Variants in PLPPR4 observed in about 807,000 individuals in gnomAD.
PLPPR4 encodes phospholipid phosphatase-related protein type 4.
In PLPPR4, 24 loss-of-function variants were observed where a neutral mutation model predicts 56.6. The ratio of observed to expected loss-of-function variants is 0.42; its 90% CI spans 0.31 to 0.60. The LOEUF is 0.60. Ranked by LOEUF, PLPPR4 falls within the 20% of genes least tolerant of loss-of-function variation. The pLI is 0.13. For missense variants in PLPPR4, 654 were observed against 885.8 expected (o/e 0.74, Z 3.32); for synonymous variants, 326 against 328.1 (o/e 0.99, Z 0.07).
At chr1:99,274,078 T>A (rs2100786554) in intron 1 of PLPPR4, among the ~76,000 whole-genome samples, 1 of 152,236 alleles carries the variant, frequency 6.6e-6, no homozygotes, top group East Asian at 1.9e-4. Context: ...TTAATTTTCA[T>A]AGAAAGTTAT....
intron 1 of PLPPR4, among the ~76,000 whole-genome samples, chr1:99,282,925 T>C (rs965022552): frequency 1.3e-5 from 2 of 148,374 alleles, no homozygotes; most frequent in African/African-American, 4.9e-5. Context: ...CTGATATATA[T>C]ATCTTTCTGA....
rs772890511 is a variant in PLPPR4, at chr1:99,306,014, T to C, written c.1152T>C (p.Asn384=). The C allele has an allele frequency of 6.2e-7, 1 of 1,614,064 alleles. No individual in the cohort carries two copies. Among genetic ancestry groups the C allele is most frequent in the Admixed American group, 1.7e-5 (1 of 60,014 alleles). Residue 384 remains asparagine, a synonymous_variant, in exon 7 of 7, where the codon AAT becomes AAC. Coordinates refer to ENST00000370185, the MANE Select transcript of PLPPR4 (RefSeq NM_014839.5). The surrounding 1 kb of genome is among the most constrained non-coding windows in gnomAD (Gnocchi z 4.0). ...CTGTAGAAGACCCTGTCAGAAGAAA[T>C]GCGAGCATTCATGCCTCTATGGATT... The part of the protein sequence containing the change: ...TPSVEDPVRR[N]ASIHASMDSA...
At chr1:99,264,451 T>C, upstream of PLPPR4, 1 of 1,490,622 alleles carries the variant, frequency 6.7e-7, no homozygotes, top group Non-Finnish European at 8.9e-7. Flanking sequence ...GGGCGCTGCA[T>C]GCAGCGCGCT....
rs1441077709 is a variant in PLPPR4, at chr1:99,308,261, G to T, written c.*1251G>T. On this transcript the variant is annotated 3_prime_UTR_variant, in exon 7 of 7. Coordinates refer to ENST00000370185, the MANE Select transcript of PLPPR4 (RefSeq NM_014839.5). ...AAGAGGAAGAATCTGAAAAAAAAAT[G>T]CATGTTGGTAAGTAAAAGTATCTCA... is the stretch of plus-strand genomic sequence containing the variant. 1 of 151,816 alleles carries T rather than the reference G, an allele frequency of 6.6e-6. No individual in the cohort carries two copies. 9.4% of individuals were successfully genotyped at this position (151,816 alleles called of 1,614,324 possible).
At chr1:99,303,038 A>G (rs1020385593) in intron 6 of PLPPR4, among the ~76,000 whole-genome samples, 1 of 152,134 alleles carries the variant, frequency 6.6e-6, no homozygotes, top group Non-Finnish European at 1.5e-5. Flanking sequence ...CAGGGTATGA[A>G]CAAAGTATTT....
At chr1:99,275,890 C>A (rs902605800) in intron 1 of PLPPR4, among the ~76,000 whole-genome samples, 2 of 152,102 alleles carry the variant, frequency 1.3e-5, no homozygotes, top group African/African-American at 4.8e-5. Flanking sequence ...GAGGTCAATG[C>A]AGCACAGTAG....
chr1:99,287,738 T>G (rs957037540), intron 1 of PLPPR4, among the ~76,000 whole-genome samples: 8 of 151,830 alleles, frequency 5.3e-5, no homozygotes, highest in Non-Finnish European at 7.4e-5. Flanking sequence ...GGAGTGGAGG[T>G]GTAGCACCAA....
chr1:99,290,441 A>C (rs565114855), intron 2 of PLPPR4, among the ~76,000 whole-genome samples: 2 of 152,106 alleles, frequency 1.3e-5, no homozygotes, highest in African/African-American at 4.8e-5. Context: ...AGAAAAATCT[A>C]TTTCAAAATT....
At chr1:99,267,293 AACTTAC>A (rs1658923901) in intron 1 of PLPPR4, among the ~76,000 whole-genome samples, 1 of 152,220 alleles carries the variant, frequency 6.6e-6, no homozygotes, top group Non-Finnish European at 1.5e-5. Flanking sequence ...AGGGAAGGGA[AACTTAC>A]ACTCGAGCCA....
At chr1:99,290,108 A>T (rs1008598703) in intron 2 of PLPPR4, among the ~76,000 whole-genome samples, 2 of 152,158 alleles carry the variant, frequency 1.3e-5, no homozygotes, top group Non-Finnish European at 2.9e-5. Context: ...AGGATACAAA[A>T]CTATTGTGCA....
chr1:99,288,293 A>G, intron 2 of PLPPR4, 143 bp downstream of exon 2: 2 of 648,358 alleles, frequency 3.1e-6, no homozygotes, highest in Non-Finnish European at 5.1e-6. Context: ...TATTGACAGT[A>G]TCATGTGGAA....
chr1:99,281,163 C>G (rs527381615), intron 1 of PLPPR4, among the ~76,000 whole-genome samples: 1 of 152,078 alleles, frequency 6.6e-6, no homozygotes, highest in African/African-American at 2.4e-5. Flanking sequence ...AAAAAAACCC[C>G]TCATTTCACT....
chr1:99,279,954 A>G (rs1403637119), intron 1 of PLPPR4, among the ~76,000 whole-genome samples: 1 of 152,242 alleles, frequency 6.6e-6, no homozygotes, highest in Admixed American at 6.5e-5. Context: ...GAGGAGCTCT[A>G]GAAAAGACAG....
In PLPPR4 at chr1:99,273,930, A is replaced by G. The variant is rs569543775; in HGVS notation, c.78+9259A>G. ...GGATTATTGAACAGTTGAAGATTAGATCAATATCCAAGGTCTATATGAGTC... is the reference window on the plus strand; with the variant it reads ...GGATTATTGAACAGTTGAAGATTAGGTCAATATCCAAGGTCTATATGAGTC... On this transcript the variant is annotated intron_variant, in intron 1 of 6. Coordinates refer to ENST00000370185, the MANE Select transcript of PLPPR4 (RefSeq NM_014839.5). Among the ~76,000 whole-genome samples the G allele has an allele frequency of 3.9e-5, 6 of 152,242 alleles. No individual in the cohort carries two copies. The South Asian group carries it at 8.3e-4, about 21-fold the overall frequency.
At chr1:99,295,364 G>T (rs1659716936) in intron 2 of PLPPR4, among the ~76,000 whole-genome samples, 1 of 152,044 alleles carries the variant, frequency 6.6e-6, no homozygotes. Context: ...GCTGTCATTA[G>T]ATTTTTTAAA....
At chr1:99,301,636 T>C in intron 5 of PLPPR4, 88 bp from the exon 6 acceptor site, 1 of 919,290 alleles carries the variant, frequency 1.1e-6, no homozygotes, top group South Asian at 2.1e-5. Context: ...TGAAGTCAAT[T>C]GTATCAGACT....
chr1:99,288,079 A>G lies in PLPPR4; in HGVS notation c.193A>G (p.Ile65Val). Residue 65 changes from isoleucine to valine, a missense_variant, in exon 2 of 7, where the codon ATT becomes GTT. Ile to Val is a conservative substitution (Grantham distance 29). Coordinates refer to ENST00000370185, the MANE Select transcript of PLPPR4 (RefSeq NM_014839.5). ...CYDRSLSMPY[I>V]EPTQEAIPFL... ...TGACCGGAGTCTTAGCATGCCGTAC[A>G]TTGAACCAACCCAGGAGGCAATTCC... The G allele has an allele frequency of 1.2e-6, 2 of 1,613,960 alleles. No individual in the cohort carries two copies. The highest frequency in any genetic ancestry group is 1.7e-6 in the Non-Finnish European group (2 of 1,179,896).
At chr1:99,290,061 A>T (rs1208478482) in intron 2 of PLPPR4, among the ~76,000 whole-genome samples, 1 of 152,192 alleles carries the variant, frequency 6.6e-6, no homozygotes, top group African/African-American at 2.4e-5. Context: ...TCAGTCCAAA[A>T]GCTTCTTAAG....
chr1:99,264,744 G>C, intron 1 of PLPPR4, 73 bp downstream of exon 1: 1 of 1,496,306 alleles, frequency 6.7e-7, no homozygotes, highest in Non-Finnish European at 9.1e-7. Flanking sequence ...GTCCTGGACA[G>C]TGTTGGAGGC....
Sources: allele counts gnomAD v4.1 joint callset (sites outside exome capture counted in the v4.1 genomes callset), GRCh38; gene constraint gnomAD v4.1.1; non-coding constraint Gnocchi (gnomAD v3.1); transcripts MANE v1.5; gene names NCBI Gene and HGNC (gene_info 2026-07-23, HGNC 2026-07-21).